SCFD1: variants seen among roughly 807,000 people sequenced by gnomAD.
SCFD1 encodes sec1 family domain containing 1.
A neutral mutation model predicts 103.2 loss-of-function variants in SCFD1; 37 were observed. The ratio of observed to expected loss-of-function variants is 0.36; its 90% CI spans 0.28 to 0.47. The LOEUF (loss-of-function observed/expected upper bound fraction) is 0.47, where lower values mean the gene tolerates loss of function less well. SCFD1 is among the 20% of genes least tolerant of loss of function. SCFD1 has a pLI of 1.00. For synonymous variants in SCFD1, 264 were observed against 245.0 expected (o/e 1.08, Z -0.73); for missense variants, 639 against 761.2 (o/e 0.84, Z 1.89).
chr14:30,683,133 T>G, intron 14 of SCFD1: 1 of 1,187,216 alleles, frequency 8.4e-7, no homozygotes, highest in Non-Finnish European at 1.2e-6. Context: ...TTTGGCAGCA[T>G]GTGTGTTCAA....
At chr14:30,663,588 C>T (rs1047395312) in intron 10 of SCFD1, among the ~76,000 whole-genome samples, 6 of 152,138 alleles carry the variant, frequency 3.9e-5, no homozygotes, top group East Asian at 1.9e-4. Context: ...ACTAAACTTT[C>T]GTCATTCCAA....
intron 23 of SCFD1, among the ~76,000 whole-genome samples, chr14:30,731,119 A>C (rs1334621271): frequency 6.6e-6 from 1 of 152,174 alleles, no homozygotes; most frequent in Non-Finnish European, 1.5e-5. Flanking sequence ...CCCATTCCCC[A>C]TTTCTTGTTT....
At chr14:30,632,374 A>G (rs542400395) in intron 3 of SCFD1, among the ~76,000 whole-genome samples, 1 of 152,260 alleles carries the variant, frequency 6.6e-6, no homozygotes, top group Admixed American at 6.5e-5. Context: ...ACATTTCTGA[A>G]ATTAGGATCT....
At chr14:30,670,468 T>C in intron 11 of SCFD1, 73 bp downstream of exon 11, 7 of 1,160,878 alleles carry the variant, frequency 6.0e-6, no homozygotes, top group Non-Finnish European at 8.3e-6. Flanking sequence ...CCTTAATGAA[T>C]TTGAGAAAAA....
chr14:30,677,917 G>A (rs1454737379), intron 14 of SCFD1, among the ~76,000 whole-genome samples: 1 of 127,536 alleles, frequency 7.8e-6, no homozygotes, highest in Non-Finnish European at 1.5e-5. Context: ...TCAGCTCACT[G>A]CAACCTCCAC....
intron 10 of SCFD1, among the ~76,000 whole-genome samples, chr14:30,660,727 G>A (rs1405915435): frequency 1.3e-5 from 2 of 151,908 alleles, no homozygotes; most frequent in Non-Finnish European, 2.9e-5. Context: ...AAAGTCATTT[G>A]TTTAAGTATC....
chr14:30,684,744 T>TC (rs1889805507), intron 14 of SCFD1, among the ~76,000 whole-genome samples: 1 of 148,332 alleles, frequency 6.7e-6, no homozygotes, highest in South Asian at 2.1e-4. Flanking sequence ...TTTTTTTTTT[T>TC]TTTACTTTTT....
In SCFD1 at chr14:30,673,961, T is replaced by C. The variant is rs1888792429; in HGVS notation, c.1124T>C (p.Leu375Pro). 1 of 1,613,762 alleles carries C rather than the reference T, an allele frequency of 6.2e-7. No homozygotes were observed. Among genetic ancestry groups the C allele is most frequent in the Non-Finnish European group, 8.5e-7 (1 of 1,179,856 alleles). ...GAAGATGAAGGAGCCATAAGTATGCTTTCTGACAATACCGCTAAGCTAACA... is the reference window on the plus strand; with the variant it reads ...GAAGATGAAGGAGCCATAAGTATGCCTTCTGACAATACCGCTAAGCTAACA... ...EGEDEGAISM[L>P]SDNTAKLTSA... Residue 375 changes from leucine (L) to proline (P), a missense_variant, in exon 13 of 25, where the codon CTT becomes CCT. Physicochemically the swap from Leu to Pro is moderately conservative, Grantham distance 98 (BLOSUM62 -3). Coordinates refer to ENST00000458591, the MANE Select transcript of SCFD1 (RefSeq NM_016106.4).
intron 19 of SCFD1, among the ~76,000 whole-genome samples, chr14:30,711,330 G>A (rs575438937): frequency 4.9e-4 from 75 of 152,258 alleles, no homozygotes; most frequent in African/African-American, 1.6e-3. Flanking sequence ...TTTATATGTC[G>A]GGTGCAGTGG....
intron 7 of SCFD1, among the ~76,000 whole-genome samples, chr14:30,646,289 G>A (rs986767821): frequency 3.3e-5 from 5 of 152,170 alleles, no homozygotes; most frequent in African/African-American, 9.7e-5. Flanking sequence ...CCAAAGTGCT[G>A]GAATTACAGG....
chr14:30,633,537 C>T (rs955106138), intron 3 of SCFD1, among the ~76,000 whole-genome samples: 10 of 151,784 alleles, frequency 6.6e-5, no homozygotes, highest in Admixed American at 3.9e-4. Context: ...TTTTTCATTG[C>T]GTCCCCTAGC....
chr14:30,698,844 C>T (rs929793815), intron 15 of SCFD1, among the ~76,000 whole-genome samples: 1 of 152,154 alleles, frequency 6.6e-6, no homozygotes. Context: ...CCTGGGTTCA[C>T]CCCTGAACTG....
At chr14:30,639,385 A>G (rs2139043182) in intron 5 of SCFD1, among the ~76,000 whole-genome samples, 1 of 152,314 alleles carries the variant, frequency 6.6e-6, no homozygotes, top group South Asian at 2.1e-4. Flanking sequence ...TTCCCACTTT[A>G]TTAGAAAAGT....
rs1441484028 is a variant in SCFD1, at chr14:30,705,875, A to G, written c.1543A>G (p.Lys515Glu). The change falls in exon 18 of 25, where the codon AAA (lysine) becomes GAA (glutamate). Residue 515 changes from lysine (K) to glutamate (E), a missense_variant. Transcript: ENST00000458591. ...GGCCAGCTATGGCAGCACTACCACT[A>G]AACCAATGGGGTAAGTATTTTTAAT... ...APASYGSTTT[K>E]PMGLLSRVMN... 10 of 1,612,472 alleles carry G rather than the reference A, an allele frequency of 6.2e-6. No homozygotes were observed. The highest frequency in any genetic ancestry group is 8.5e-6 in the Non-Finnish European group (10 of 1,178,736).
At chr14:30,631,679 T>A (rs1025182060) in intron 3 of SCFD1, among the ~76,000 whole-genome samples, 5 of 152,112 alleles carry the variant, frequency 3.3e-5, no homozygotes, top group African/African-American at 1.2e-4. Context: ...TAAGTTTGTG[T>A]GATTATATTG....
At chr14:30,668,028 T>A (rs183550301) in intron 10 of SCFD1, among the ~76,000 whole-genome samples, 41,820 of 152,074 alleles carry the variant, frequency 0.27, 6,256 homozygotes, top group East Asian at 0.62. Context: ...CCAATGACTT[T>A]CTTCACAGAA....
At chr14:30,638,791 A>G (rs886544356) in intron 5 of SCFD1, among the ~76,000 whole-genome samples, 4 of 152,282 alleles carry the variant, frequency 2.6e-5, no homozygotes, top group Middle Eastern at 3.4e-3. Flanking sequence ...TTATAAATCA[A>G]TTTGTAAAAT....
chr14:30,674,764 A>G (rs1040246677), intron 13 of SCFD1, among the ~76,000 whole-genome samples: 2 of 152,206 alleles, frequency 1.3e-5, no homozygotes, highest in Non-Finnish European at 2.9e-5. Context: ...AGAAATAATG[A>G]TATTTGGGAG....
Position 30,734,864 on chromosome 14 carries a change from G to A in SCFD1, c.1905+6G>A. ...CTACACAGTTCATAAAACAGGTAAA[G>A]TATACATTTGTTGTTTGTTTCTGTT... On this transcript the variant is annotated splice_donor_region_variant and intron_variant, in intron 24 of 24. Transcript: ENST00000458591. 6.2e-7 allele frequency: 1 copy of A among 1,600,876 alleles called. No individual in the cohort carries two copies. The highest frequency in any genetic ancestry group is 8.6e-7 in the Non-Finnish European group (1 of 1,168,294).
Sources: allele counts gnomAD v4.1 joint callset (sites outside exome capture counted in the v4.1 genomes callset), GRCh38; gene constraint gnomAD v4.1.1; transcripts MANE v1.5; gene names NCBI Gene and HGNC (gene_info 2026-07-23, HGNC 2026-07-21).